The following CWC25 variants were observed in gnomAD, a reference collection of about 807,000 sequenced individuals.
The protein encoded by CWC25 is CWC25 spliceosome associated protein.
CWC25 carries 31 observed loss-of-function variants against 54.6 expected under a neutral mutation model. The ratio of observed to expected loss-of-function variants is 0.57; its 90% CI spans 0.43 to 0.77. CWC25 has a LOEUF of 0.77. CWC25 is among the 30% of genes least tolerant of loss of function. The probability of loss-of-function intolerance (pLI) is 0.00; values close to 1 mark genes in which losing one functional copy is unlikely to be tolerated. For synonymous variants in CWC25, 151 were observed against 187.0 expected, an observed-to-expected ratio of 0.81 and a Z score of 1.57; for missense variants, 453 against 529.3, an observed-to-expected ratio of 0.86 and a Z score of 1.41.
intron 5 of CWC25, 93 bp from the exon 6 acceptor site, chr17:38,809,858 ATGTG>A: frequency 8.4e-7 from 1 of 1,188,374 alleles, no homozygotes; most frequent in South Asian, 1.4e-5. Context: ...CTTGCCTCCA[ATGTG>A]ACCTTTCCGC....
At chr17:38,802,616 A>C (rs1356826768) in intron 9 of CWC25, 84 bp downstream of exon 9, 2 of 1,516,766 alleles carry the variant, frequency 1.3e-6, no homozygotes, top group Non-Finnish European at 1.8e-6. Flanking sequence ...GCAAACACAG[A>C]AACACTGGAA....
At chr17:38,820,202 T>A (rs1911867547) in intron 2 of CWC25, among the ~76,000 whole-genome samples, 1 of 152,196 alleles carries the variant, frequency 6.6e-6, no homozygotes, top group Non-Finnish European at 1.5e-5. Flanking sequence ...ATACAGCAAT[T>A]ACAGGCATGA....
rs1304495117 is a variant in CWC25 at position 38,810,560 on chromosome 17, TTTC to T, written c.531_533del (p.Lys180del). 2.6e-6 allele frequency: 4 copies of T among 1,561,056 alleles called. No individual in the cohort carries two copies. Among genetic ancestry groups the T allele is most frequent in the East Asian group, 2.3e-5 (1 of 43,508 alleles). ...TGTGCTTCTTTTTCTTCTCCTTCTT[TTTC>T]TTCTTCTCCTTTTTTTCCAGACTCA... On this transcript the variant is annotated inframe_deletion, in exon 5 of 10. Coordinates refer to ENST00000614790, the MANE Select transcript of CWC25 (RefSeq NM_017748.5).
At position 38,821,081 on chromosome 17, in the gene CWC25, A is replaced by G. The variant is rs1360721347; in HGVS notation, c.19-8T>C. The G allele has an allele frequency of 6.2e-7, 1 of 1,607,884 alleles. No individual in the cohort carries two copies. The highest frequency in any genetic ancestry group is 8.5e-7 in the Non-Finnish European group (1 of 1,178,032). On this transcript the variant is annotated splice_region_variant and splice_polypyrimidine_tract_variant and intron_variant, in intron 1 of 9. Coordinates refer to ENST00000614790, the MANE Select transcript of CWC25 (RefSeq NM_017748.5). ...CCAGCTCTTCTTCAGATTCTGTGGT[A>G]AATAAAAAGAAGGTGATGATAATTC...
chr17:38,802,146 G>C lies in CWC25; in HGVS notation c.1224C>G (p.Ile408Met), dbSNP rs963598591. The change falls in exon 10 of 10, where the codon ATC (isoleucine) becomes ATG (methionine). Residue 408 changes from isoleucine to methionine, a missense_variant. By Grantham distance (10) the Ile-to-Met change is conservative. Coordinates refer to ENST00000614790, the MANE Select transcript of CWC25 (RefSeq NM_017748.5). ...SSLEDRVKRNIYSLQRTSVAL... is the reference protein window; with the variant it reads ...SSLEDRVKRNMYSLQRTSVAL... ...CTACCGAAGTTCTCTGTAAAGAGTA[G>C]ATATTCCGCTTCACCCGATCCTCCA... 1.2e-5 allele frequency: 20 copies of C among 1,613,834 alleles called. No individual in the cohort carries two copies. Among genetic ancestry groups the C allele is most frequent in the Admixed American group, 3.3e-5 (2 of 60,004 alleles).
intron 1 of CWC25, among the ~76,000 whole-genome samples, chr17:38,822,850 ATTTTTT>A (rs36069874): frequency 7.2e-6 from 1 of 139,514 alleles, no homozygotes; most frequent in Non-Finnish European, 1.5e-5. Context: ...CGCCTGGCCA[ATTTTTT>A]TTTTTTTTTT....
At chr17:38,819,669 C>A (rs1911846218) in intron 2 of CWC25, among the ~76,000 whole-genome samples, 1 of 150,656 alleles carries the variant, frequency 6.6e-6, no homozygotes, top group African/African-American at 2.4e-5. Flanking sequence ...CTGCACCCAG[C>A]CTCTATTTTT....
At chr17:38,818,753 C>G (rs375608024) in intron 2 of CWC25, among the ~76,000 whole-genome samples, 1 of 152,012 alleles carries the variant, frequency 6.6e-6, no homozygotes, top group African/African-American at 2.4e-5. Flanking sequence ...TAGGGCAAAA[C>G]AAAACAAAGC....
intron 6 of CWC25, 101 bp downstream of exon 6, chr17:38,809,601 G>T: frequency 9.3e-7 from 1 of 1,070,168 alleles, no homozygotes; most frequent in Non-Finnish European, 1.4e-6. Flanking sequence ...CTGTTTCCCA[G>T]CAGCCCAGGC....
At position 38,825,236 on chromosome 17, in the gene CWC25, A is replaced by C; in HGVS notation, c.-53T>G. The stretch of plus-strand genomic sequence containing the variant: ...GGATCTGGAAGATTTCGGGAGGATC[A>C]AGAGAAAACGTAGAGAAATAGTTCG... On this transcript the variant is annotated 5_prime_UTR_variant, in exon 1 of 10. Transcript: ENST00000614790. The C allele has an allele frequency of 6.4e-7, 1 of 1,559,958 alleles. No individual in the cohort carries two copies. Among genetic ancestry groups the C allele is most frequent in the Non-Finnish European group, 8.7e-7 (1 of 1,152,782 alleles).
chr17:38,804,392 G>A (rs1004947098), intron 8 of CWC25, among the ~76,000 whole-genome samples: 4 of 151,908 alleles, frequency 2.6e-5, no homozygotes, highest in Non-Finnish European at 4.4e-5. Flanking sequence ...AGATCTGGCC[G>A]GGCACGGTGG....
Position 38,802,881 on chromosome 17 carries a change from T to C in CWC25, c.1002-20A>G, listed in dbSNP as rs1230657611. On this transcript the variant is annotated intron_variant, in intron 8 of 9. Transcript: ENST00000614790. ...AGTTTTCTGTTGAGCACAGAAACCATACGATCAGGTCTCTTCCAGCAAAAA... is the reference window on the plus strand; with the variant it reads ...AGTTTTCTGTTGAGCACAGAAACCACACGATCAGGTCTCTTCCAGCAAAAA... 1.9e-6 allele frequency: 3 copies of C among 1,613,336 alleles called. No individual in the cohort carries two copies. Among genetic ancestry groups the C allele is most frequent in the Non-Finnish European group, 2.5e-6 (3 of 1,179,778 alleles).
chr17:38,813,398 A>G (rs1229924925), intron 3 of CWC25, among the ~76,000 whole-genome samples: 1 of 140,552 alleles, frequency 7.1e-6, no homozygotes, highest in African/African-American at 2.6e-5. Flanking sequence ...ACTTAAACCC[A>G]GGAGGCGGAG....
chr17:38,811,468 G>A (rs1307238109), intron 4 of CWC25, among the ~76,000 whole-genome samples: 2 of 147,774 alleles, frequency 1.4e-5, no homozygotes, highest in African/African-American at 2.5e-5. Flanking sequence ...GGGAGGCGGA[G>A]TTTGCAGTGA....
In CWC25 at chr17:38,810,615, C is replaced by G; in HGVS notation, c.499-20G>C. 2 of 1,199,074 alleles carry G rather than the reference C, an allele frequency of 1.7e-6. No individual in the cohort carries two copies. Among genetic ancestry groups the G allele is most frequent in the Non-Finnish European group, 2.4e-6 (2 of 825,868 alleles). The allele number at this position is 1,199,074 out of a possible 1,614,324, so 74.3% of individuals were successfully genotyped here. On this transcript the variant is annotated intron_variant, in intron 4 of 9. Transcript: ENST00000614790. Reference sequence around the variant, plus strand: ...TTGCAACTGGAAAATGCCGAGAACACAAGCACACAAGATTACTGAGACCAG... The same window carrying G: ...TTGCAACTGGAAAATGCCGAGAACAGAAGCACACAAGATTACTGAGACCAG...
At chr17:38,815,479 C>A in intron 2 of CWC25, 1 of 421,642 alleles carries the variant, frequency 2.4e-6, no homozygotes, top group Non-Finnish European at 4.6e-6. Context: ...ATCACTTGAA[C>A]CTGGGAGGCA....
chr17:38,813,659 T>C (rs1202487135), intron 3 of CWC25, among the ~76,000 whole-genome samples: 2 of 150,726 alleles, frequency 1.3e-5, no homozygotes, highest in African/African-American at 4.9e-5. Flanking sequence ...TACTCCCACA[T>C]CAGCTTCCCA....
intron 1 of CWC25, among the ~76,000 whole-genome samples, chr17:38,822,850 ATT>A (rs36069874): frequency 3.0e-4 from 42 of 139,480 alleles, no homozygotes; most frequent in African/African-American, 8.5e-4. Context: ...CGCCTGGCCA[ATT>A]TTTTTTTTTT....
intron 3 of CWC25, among the ~76,000 whole-genome samples, chr17:38,814,184 A>G (rs1796000600): frequency 6.6e-6 from 1 of 152,090 alleles, no homozygotes; most frequent in South Asian, 2.1e-4. Flanking sequence ...TGATGGTTAT[A>G]GAGTTTCAAT....
Sources: gnomAD v4.1 joint callset for allele counts (sites outside exome capture counted in the v4.1 genomes callset) on GRCh38, gnomAD v4.1.1 for gene constraint, MANE v1.5 for transcripts, NCBI Gene and HGNC (gene_info 2026-07-23, HGNC 2026-07-21) for gene names.